The following PHACTR3 variants were observed in gnomAD, a reference collection of about 807,000 sequenced individuals.
PHACTR3 encodes protein phosphatase 1, regulatory subunit 123.
PHACTR3 carries 16 observed loss-of-function variants against 66.8 expected under a neutral mutation model. That is an observed-to-expected ratio of 0.24 (90% CI 0.16 to 0.36). PHACTR3 has a LOEUF of 0.36. PHACTR3 is among the 10% of genes least tolerant of loss of function. The pLI, the probability that PHACTR3 is intolerant of heterozygous loss-of-function variation, is 1.00. For synonymous variants in PHACTR3, 323 were observed against 292.1 expected (o/e 1.11, Z -1.08); for missense variants, 647 against 719.9 (o/e 0.90, Z 1.16).
chr20:59,586,144 G>C (rs2033021710), intron 1 of PHACTR3, among the ~76,000 whole-genome samples: 1 of 152,146 alleles, frequency 6.6e-6, no homozygotes, highest in Non-Finnish European at 1.5e-5. Flanking sequence ...GGCCTGCCCT[G>C]GCCTGCTCTG....
intron 7 of PHACTR3, among the ~76,000 whole-genome samples, chr20:59,790,926 G>C (rs1323843233): frequency 6.6e-6 from 1 of 152,086 alleles, no homozygotes; most frequent in Non-Finnish European, 1.5e-5. Flanking sequence ...ATAGTTCTTT[G>C]AGCTTTGCTG....
intron 1 of PHACTR3, among the ~76,000 whole-genome samples, chr20:59,644,910 C>A (rs905586757): frequency 1.3e-5 from 2 of 152,066 alleles, no homozygotes; most frequent in Non-Finnish European, 2.9e-5. Flanking sequence ...AGGTTTGTTA[C>A]CAGGGCACAT....
At chr20:59,591,051 T>G (rs1367958235) in intron 1 of PHACTR3, among the ~76,000 whole-genome samples, 1 of 152,208 alleles carries the variant, frequency 6.6e-6, no homozygotes, top group Admixed American at 6.5e-5. Context: ...TGCACCACAT[T>G]TTAAGCACTC....
chr20:59,733,500 G>T (rs1034777534), intron 1 of PHACTR3, among the ~76,000 whole-genome samples: 1 of 152,082 alleles, frequency 6.6e-6, no homozygotes, highest in Non-Finnish European at 1.5e-5. Context: ...TTGCTTTAAA[G>T]GTTAACTTCT....
chr20:59,601,259 T>A (rs2033471513), upstream of PHACTR3, among the ~76,000 whole-genome samples: 1 of 152,198 alleles, frequency 6.6e-6, no homozygotes, highest in Non-Finnish European at 1.5e-5. Flanking sequence ...TTGCATAATG[T>A]TTTCCAGGTT....
chr20:59,800,614 G>T (rs2041383358), intron 7 of PHACTR3, among the ~76,000 whole-genome samples: 1 of 152,226 alleles, frequency 6.6e-6, no homozygotes, highest in Non-Finnish European at 1.5e-5. Flanking sequence ...TATAGATTTT[G>T]ATTACCATGG....
intron 1 of PHACTR3, among the ~76,000 whole-genome samples, chr20:59,724,318 G>A (rs1027861389): frequency 6.6e-5 from 10 of 152,158 alleles, no homozygotes; most frequent in Non-Finnish European, 1.2e-4. Flanking sequence ...CATTTCAACA[G>A]TGTATTTAAA....
intron 7 of PHACTR3, among the ~76,000 whole-genome samples, chr20:59,805,376 G>T (rs914235193): frequency 1.3e-5 from 2 of 152,182 alleles, no homozygotes; most frequent in African/African-American, 2.4e-5. Context: ...ATGGGCGGGT[G>T]GGGGAAAGGC....
intron 1 of PHACTR3, among the ~76,000 whole-genome samples, chr20:59,578,726 C>T (rs1172765491): frequency 6.6e-6 from 1 of 152,156 alleles, no homozygotes; most frequent in Non-Finnish European, 1.5e-5. Context: ...TTGGGAAACC[C>T]TGAGATACAG....
At chr20:59,827,164 A>G (rs1037536723) in intron 8 of PHACTR3, among the ~76,000 whole-genome samples, 2 of 151,930 alleles carry the variant, frequency 1.3e-5, no homozygotes, top group South Asian at 2.1e-4. Flanking sequence ...GGGGTTGGGG[A>G]AGCCTCTCAG....
intron 3 of PHACTR3, among the ~76,000 whole-genome samples, chr20:59,749,675 A>T (rs2039507291): frequency 6.6e-6 from 1 of 152,198 alleles, no homozygotes; most frequent in Non-Finnish European, 1.5e-5. Context: ...CTCTGTTGCA[A>T]CTACTTGTCT....
At chr20:59,808,269 G>T (rs911332210) in intron 8 of PHACTR3, among the ~76,000 whole-genome samples, 11 of 152,214 alleles carry the variant, frequency 7.2e-5, no homozygotes, top group African/African-American at 2.7e-4. Flanking sequence ...CTGCCCAAAG[G>T]TGCCAAGAGC....
chr20:59,802,270 G>T (rs1366978300), intron 7 of PHACTR3, among the ~76,000 whole-genome samples: 2 of 152,168 alleles, frequency 1.3e-5, no homozygotes, highest in African/African-American at 4.8e-5. Flanking sequence ...GACACAGGAG[G>T]TCATATAGGA....
intron 1 of PHACTR3, among the ~76,000 whole-genome samples, chr20:59,651,319 C>T (rs2146450650): frequency 6.6e-6 from 1 of 152,308 alleles, no homozygotes; most frequent in Non-Finnish European, 1.5e-5. Flanking sequence ...TAAATTAAGT[C>T]ACTGAATCAT....
At chr20:59,831,087 C>T (rs995690328) in intron 8 of PHACTR3, among the ~76,000 whole-genome samples, 17 of 151,860 alleles carry the variant, frequency 1.1e-4, no homozygotes, top group Non-Finnish European at 2.1e-4. Flanking sequence ...CCAGGTGTGT[C>T]GTAGGTGACT....
At chr20:59,739,372 C>A (rs891774229) in intron 1 of PHACTR3, among the ~76,000 whole-genome samples, 1 of 152,050 alleles carries the variant, frequency 6.6e-6, no homozygotes, top group Non-Finnish European at 1.5e-5. Context: ...CTACAAAGTG[C>A]CCCCGATAAA....
intron 1 of PHACTR3, among the ~76,000 whole-genome samples, chr20:59,729,340 T>A (rs2038683114): frequency 6.6e-6 from 1 of 152,052 alleles, no homozygotes; most frequent in East Asian, 1.9e-4. Context: ...GGGCAGGCAC[T>A]GGGTCTCAGG....
intron 1 of PHACTR3, among the ~76,000 whole-genome samples, chr20:59,586,764 C>G (rs1385005943): frequency 6.6e-6 from 1 of 151,978 alleles, no homozygotes; most frequent in Admixed American, 6.6e-5. Context: ...GTCCTCAGTC[C>G]TGCTCACTCA....
intron 1 of PHACTR3, chr20:59,626,804 A>G (rs1157881476): frequency 6.6e-6 from 1 of 152,256 alleles, no homozygotes; most frequent in Non-Finnish European, 1.5e-5. Context: ...CAGGTTGTTC[A>G]CAGCAGATGT....
Sources: allele counts gnomAD v4.1 joint callset (sites outside exome capture counted in the v4.1 genomes callset), GRCh38; gene constraint gnomAD v4.1.1; transcripts MANE v1.5; gene names NCBI Gene and HGNC (gene_info 2026-07-23, HGNC 2026-07-21).